AKAP19: variants seen among roughly 807,000 people sequenced by gnomAD.
AKAP19 encodes the protein A-kinase anchoring protein 19.
chr2:189,919,090 G>A, the AKAP19 span, among the ~76,000 whole-genome samples: 8 of 152,302 alleles, frequency 5.3e-5, no homozygotes, highest in South Asian at 2.1e-4. Flanking sequence ...AAGACTATAC[G>A]TAGGGTTTGG....
At chr2:190,048,916 A>G in the AKAP19 span, among the ~76,000 whole-genome samples, 13 of 152,208 alleles carry the variant, frequency 8.5e-5, no homozygotes, top group Non-Finnish European at 1.8e-4. Context: ...GATGAATTAA[A>G]GATTTTAAAA....
At chr2:189,891,472 C>G in the AKAP19 span, among the ~76,000 whole-genome samples, 1 of 151,952 alleles carries the variant, frequency 6.6e-6, no homozygotes, top group Admixed American at 6.6e-5. Flanking sequence ...ATCTGCCCAC[C>G]TCGGCCTCCC....
the AKAP19 span, among the ~76,000 whole-genome samples, chr2:190,196,422 G>T: frequency 6.6e-6 from 1 of 151,206 alleles, no homozygotes; most frequent in Non-Finnish European, 1.5e-5. Context: ...ATTTCTCTGA[G>T]ATTCTTTTTT....
At chr2:189,959,199 C>T in the AKAP19 span, among the ~76,000 whole-genome samples, 6 of 151,630 alleles carry the variant, frequency 4.0e-5, no homozygotes, top group Non-Finnish European at 8.8e-5. Flanking sequence ...TTATATGAAA[C>T]AAATTTAAAT....
At chr2:189,996,390 C>T in the AKAP19 span, among the ~76,000 whole-genome samples, 1 of 152,128 alleles carries the variant, frequency 6.6e-6, no homozygotes, top group African/African-American at 2.4e-5. Flanking sequence ...CTATTGTTGA[C>T]ACTCTACAGT....
the AKAP19 span, chr2:190,199,883 A>AAACT: frequency 6.2e-7 from 1 of 1,613,724 alleles, no homozygotes; most frequent in Admixed American, 1.7e-5. Flanking sequence ...AAATCAAAGC[A>AAACT]AACTTTCCCA....
chr2:190,195,472 T>C, the AKAP19 span, among the ~76,000 whole-genome samples: 2 of 152,230 alleles, frequency 1.3e-5, no homozygotes, highest in African/African-American at 2.4e-5. Flanking sequence ...CTTTTGCCAT[T>C]ATCTCACTGT....
chr2:190,028,698 C>T, the AKAP19 span, among the ~76,000 whole-genome samples: 1 of 151,986 alleles, frequency 6.6e-6, no homozygotes, highest in African/African-American at 2.4e-5. Context: ...ATACAAAGTA[C>T]ATTATTATGT....
the AKAP19 span, among the ~76,000 whole-genome samples, chr2:190,032,507 C>G: frequency 3.3e-5 from 5 of 152,124 alleles, no homozygotes; most frequent in African/African-American, 1.2e-4. Context: ...TAATTGATAA[C>G]TATGCTGGCA....
At chr2:189,897,888 T>TA in the AKAP19 span, among the ~76,000 whole-genome samples, 1 of 152,142 alleles carries the variant, frequency 6.6e-6, no homozygotes, top group South Asian at 2.1e-4. Context: ...AAATCCTCTC[T>TA]AGAACTTATA....
chr2:189,985,069 G>A, the AKAP19 span, among the ~76,000 whole-genome samples: 1 of 152,156 alleles, frequency 6.6e-6, no homozygotes, highest in Non-Finnish European at 1.5e-5. Context: ...CAACAGTTTG[G>A]CAGTTTGGCA....
chr2:190,026,565 C>T, the AKAP19 span, among the ~76,000 whole-genome samples: 1 of 152,342 alleles, frequency 6.6e-6, no homozygotes, highest in East Asian at 1.9e-4. Flanking sequence ...GAAATCAGCA[C>T]TTCTGCTTTG....
chr2:189,891,014 G>T, the AKAP19 span, among the ~76,000 whole-genome samples: 1 of 152,126 alleles, frequency 6.6e-6, no homozygotes, highest in African/African-American at 2.4e-5. Flanking sequence ...AGTGTCGATG[G>T]TCTTTCAAGT....
chr2:189,980,123 C>T, the AKAP19 span, among the ~76,000 whole-genome samples: 1 of 152,106 alleles, frequency 6.6e-6, no homozygotes, highest in African/African-American at 2.4e-5. Flanking sequence ...GTCTGTTTAT[C>T]ACAGCATTAT....
the AKAP19 span, among the ~76,000 whole-genome samples, chr2:190,032,719 T>G: frequency 7.0e-6 from 1 of 142,132 alleles, no homozygotes; most frequent in Non-Finnish European, 1.5e-5. Flanking sequence ...TAGAGTTTTG[T>G]TTTTTTTTTT....
At chr2:189,895,196 GAGA>G in the AKAP19 span, among the ~76,000 whole-genome samples, 28 of 151,048 alleles carry the variant, frequency 1.9e-4, no homozygotes, top group Admixed American at 4.6e-4. Context: ...AGTCTGATTA[GAGA>G]AGAAGAAAGG....
chr2:189,901,983 T>C, the AKAP19 span, among the ~76,000 whole-genome samples: 1 of 152,128 alleles, frequency 6.6e-6, no homozygotes. Flanking sequence ...TTTAGCACAA[T>C]GATTAGCCTA....
chr2:190,138,382 A>C, the AKAP19 span, among the ~76,000 whole-genome samples: 2 of 152,190 alleles, frequency 1.3e-5, no homozygotes, highest in African/African-American at 4.8e-5. Context: ...AAATTGAAGG[A>C]GTATACAGTA....
the AKAP19 span, among the ~76,000 whole-genome samples, chr2:190,006,385 C>T: frequency 1.3e-5 from 2 of 152,322 alleles, no homozygotes; most frequent in East Asian, 3.9e-4. Context: ...CGGTGGCTCA[C>T]GCCTGTAATC....
Sources: gnomAD v4.1 joint callset for allele counts (sites outside exome capture counted in the v4.1 genomes callset) on GRCh38, gnomAD v4.1.1 for gene constraint, MANE v1.5 for transcripts, NCBI Gene and HGNC (gene_info 2026-07-23, HGNC 2026-07-21) for gene names.